Variants in STK3 observed in about 807,000 individuals in gnomAD.
STK3 encodes the protein serine/threonine-protein kinase 3.
In STK3, 41 loss-of-function variants were observed where a neutral mutation model predicts 58.0. The observed-to-expected ratio is 0.71, with a 90% CI of 0.55 to 0.92. The LOEUF (loss-of-function observed/expected upper bound fraction) is 0.92. STK3 is among the 40% of genes least tolerant of loss of function. STK3 has a pLI of 0.00. For missense variants in STK3, 479 were observed against 602.7 expected, an observed-to-expected ratio of 0.79 and a Z score of 2.15; for synonymous variants, 170 against 191.0, an observed-to-expected ratio of 0.89 and a Z score of 0.91.
intron 6 of STK3, among the ~76,000 whole-genome samples, chr8:98,671,254 T>C (rs1360530507): frequency 4.6e-5 from 7 of 152,068 alleles, no homozygotes; most frequent in Admixed American, 4.6e-4. Context: ...CCTTTGTAAA[T>C]AGAAGGGCTA....
intron 8 of STK3, among the ~76,000 whole-genome samples, chr8:98,572,815 C>T (rs1434455673): frequency 1.3e-5 from 2 of 152,090 alleles, no homozygotes; most frequent in Admixed American, 1.3e-4. Context: ...GTGAATATTG[C>T]TCAATGTGTG....
At chr8:98,883,306 A>G (rs1639210969), downstream of STK3, 1 of 184,282 alleles carries the variant, frequency 5.4e-6, no homozygotes. Context: ...TTAACCATCC[A>G]GTTTGGAAAC....
intron 8 of STK3, among the ~76,000 whole-genome samples, chr8:98,574,608 T>C (rs191751998): frequency 1.1e-4 from 17 of 152,294 alleles, no homozygotes; most frequent in Admixed American, 2.6e-4. Flanking sequence ...TGCAATGAGA[T>C]TTATAGGAGA....
chr8:98,516,409 C>T (rs2131430219), intron 10 of STK3, among the ~76,000 whole-genome samples: 1 of 151,894 alleles, frequency 6.6e-6, no homozygotes, highest in East Asian at 1.9e-4. Flanking sequence ...TACTAGACAC[C>T]CAAGGGTTAC....
At chr8:98,900,140 G>A (rs775766195) in intron 1 of STK3, among the ~76,000 whole-genome samples, 3 of 151,690 alleles carry the variant, frequency 2.0e-5, no homozygotes, top group African/African-American at 4.8e-5. Context: ...GCAGTGGTGC[G>A]ATCTTGGCTC....
At chr8:98,363,001 C>T in the STK3 span, among the ~76,000 whole-genome samples, 1 of 152,222 alleles carries the variant, frequency 6.6e-6, no homozygotes, top group Non-Finnish European at 1.5e-5. Flanking sequence ...CTCTCTCTCA[C>T]ACACACTCAT....
At chr8:98,531,749 A>G (rs1826186296) in intron 9 of STK3, among the ~76,000 whole-genome samples, 1 of 152,190 alleles carries the variant, frequency 6.6e-6, no homozygotes, top group African/African-American at 2.4e-5. Context: ...TATCTTAGCT[A>G]CATCTTCTGG....
intron 3 of STK3, among the ~76,000 whole-genome samples, chr8:98,861,401 G>T (rs112717044): frequency 0.018 from 2,536 of 141,922 alleles, 72 homozygotes; most frequent in African/African-American, 0.064. Context: ...AGGCTGGGGT[G>T]CAGTGGTGCT....
intron 1 of STK3, among the ~76,000 whole-genome samples, chr8:98,907,513 AAAAC>A (rs1011385085): frequency 2.0e-5 from 3 of 152,318 alleles, no homozygotes; most frequent in African/African-American, 7.2e-5. Flanking sequence ...ACTCCATCTC[AAAAC>A]AAACAAACAA....
At chr8:98,557,990 T>G (rs1417179096) in intron 8 of STK3, among the ~76,000 whole-genome samples, 2 of 151,994 alleles carry the variant, frequency 1.3e-5, no homozygotes, top group Non-Finnish European at 2.9e-5. Flanking sequence ...ATAGGAGAAG[T>G]TTCCAAACAA....
chr8:98,757,199 G>A (rs77981793), intron 3 of STK3, among the ~76,000 whole-genome samples: 2 of 144,312 alleles, frequency 1.4e-5, no homozygotes, highest in Admixed American at 1.4e-4. Context: ...TTTTTTTTTT[G>A]AGACAGAGTC....
intron 3 of STK3, among the ~76,000 whole-genome samples, chr8:98,764,341 T>C (rs1830813034): frequency 6.6e-6 from 1 of 152,196 alleles, no homozygotes; most frequent in African/African-American, 2.4e-5. Context: ...GTACTCCTCA[T>C]ACATACCACA....
downstream of STK3, among the ~76,000 whole-genome samples, chr8:98,451,781 C>A (rs559588785): frequency 6.6e-6 from 1 of 151,712 alleles, no homozygotes; most frequent in Non-Finnish European, 1.5e-5. Context: ...TCAGACTGCC[C>A]GACCAGGGTC....
chr8:98,760,671 C>T (rs899440985), intron 3 of STK3, among the ~76,000 whole-genome samples: 30 of 152,078 alleles, frequency 2.0e-4, no homozygotes, highest in East Asian at 1.9e-4. Flanking sequence ...CCCTATTTAA[C>T]GCCTTCAATC....
At chr8:98,695,471 T>C (rs920474790) in intron 6 of STK3, among the ~76,000 whole-genome samples, 124 of 152,232 alleles carry the variant, frequency 8.1e-4, no homozygotes, top group Non-Finnish European at 1.4e-3. Flanking sequence ...AGGATTTTTA[T>C]GGTTTTAGGT....
At chr8:98,804,934 A>C (rs940421623) in intron 1 of STK3, among the ~76,000 whole-genome samples, 2 of 152,202 alleles carry the variant, frequency 1.3e-5, no homozygotes, top group African/African-American at 4.8e-5. Flanking sequence ...CTGACTGTAT[A>C]AGATGAACCA....
chr8:98,565,637 C>A (rs1300144961), intron 8 of STK3, among the ~76,000 whole-genome samples: 1 of 151,946 alleles, frequency 6.6e-6, no homozygotes, highest in Admixed American at 6.6e-5. Context: ...GAGACAATTC[C>A]CATAAATTTG....
intron 6 of STK3, among the ~76,000 whole-genome samples, chr8:98,614,642 C>G (rs1324811639): frequency 5.3e-5 from 8 of 152,278 alleles, no homozygotes; most frequent in African/African-American, 1.9e-4. Context: ...CATTGCCTCA[C>G]CTGGGAAGCG....
intron 1 of STK3, among the ~76,000 whole-genome samples, chr8:98,823,378 G>C (rs578089367): frequency 2.4e-4 from 36 of 152,174 alleles, no homozygotes; most frequent in Non-Finnish European, 4.6e-4. Context: ...ATAAGCAACA[G>C]AGACCAGGAG....
Sources: allele counts gnomAD v4.1 joint callset (sites outside exome capture counted in the v4.1 genomes callset), GRCh38; gene constraint gnomAD v4.1.1; transcripts MANE v1.5; gene names NCBI Gene and HGNC (gene_info 2026-07-23, HGNC 2026-07-21).